Variants in PRDM5 observed in about 807,000 individuals in gnomAD.
PRDM5 encodes the protein PR domain zinc finger protein 5.
A neutral mutation model predicts 81.2 loss-of-function variants in PRDM5; 56 were observed. The observed-to-expected ratio is 0.69, with a 90% CI of 0.56 to 0.86. The LOEUF (loss-of-function observed/expected upper bound fraction) is 0.86. Ranked by LOEUF, PRDM5 falls within the 40% of genes least tolerant of loss-of-function variation. PRDM5 has a pLI of 0.00. For synonymous variants in PRDM5, 267 were observed against 256.4 expected, an observed-to-expected ratio of 1.04 and a Z score of -0.39; for missense variants, 697 against 770.1, an observed-to-expected ratio of 0.91 and a Z score of 1.12.
chr4:120,712,507 C>T (rs537880755), intron 14 of PRDM5, among the ~76,000 whole-genome samples: 1 of 152,246 alleles, frequency 6.6e-6, no homozygotes, highest in South Asian at 2.1e-4. Context: ...TTGCCTCCTC[C>T]CCCACCACCT....
chr4:120,754,744 T>G, intron 13 of PRDM5, 106 bp from the exon 14 acceptor site: 1 of 801,618 alleles, frequency 1.2e-6, no homozygotes, highest in East Asian at 2.6e-5. Flanking sequence ...ATATGCCCTG[T>G]GCTACTTCAA....
intron 14 of PRDM5, among the ~76,000 whole-genome samples, chr4:120,748,710 G>A (rs1461839108): frequency 6.6e-6 from 1 of 151,760 alleles, no homozygotes; most frequent in East Asian, 1.9e-4. Context: ...CACCACACAA[G>A]CAAAGAACAA....
chr4:120,758,157 A>G (rs1745061018), intron 13 of PRDM5, among the ~76,000 whole-genome samples: 2 of 152,140 alleles, frequency 1.3e-5, no homozygotes, highest in Non-Finnish European at 2.9e-5. Context: ...ATGGCATATC[A>G]TGGAACTTCT....
intron 1 of PRDM5, among the ~76,000 whole-genome samples, chr4:120,915,626 C>T (rs576683605): frequency 6.6e-6 from 1 of 152,238 alleles, no homozygotes; most frequent in East Asian, 1.9e-4. Context: ...ATGTCATCCC[C>T]AGGATGACCC....
At chr4:120,842,563 G>A (rs1379207003) in intron 3 of PRDM5, among the ~76,000 whole-genome samples, 2 of 152,182 alleles carry the variant, frequency 1.3e-5, no homozygotes, top group Non-Finnish European at 2.9e-5. Flanking sequence ...TAGTGATAGA[G>A]ATGACAACAT....
intron 2 of PRDM5, among the ~76,000 whole-genome samples, chr4:120,888,799 T>C (rs567268464): frequency 5.3e-5 from 8 of 152,226 alleles, no homozygotes. Context: ...GGTGAACATA[T>C]GGTGGCATCT....
chr4:120,827,906 C>T (rs2149362256), intron 3 of PRDM5, among the ~76,000 whole-genome samples: 1 of 152,204 alleles, frequency 6.6e-6, no homozygotes, highest in Non-Finnish European at 1.5e-5. Flanking sequence ...TACAATGCCC[C>T]TAGACTTATT....
intron 14 of PRDM5, among the ~76,000 whole-genome samples, chr4:120,734,421 T>TACACACACACACACACACAC (rs149559268): frequency 3.8e-4 from 52 of 138,186 alleles, no homozygotes; most frequent in African/African-American, 1.4e-3. Context: ...CACACACAAA[T>TACACACACACACACACACAC]ACACACACAC....
chr4:120,775,137 C>A (rs2149220593), intron 13 of PRDM5, among the ~76,000 whole-genome samples: 1 of 151,438 alleles, frequency 6.6e-6, no homozygotes, highest in Non-Finnish European at 1.5e-5. Flanking sequence ...AGGCCAGAAT[C>A]TGTACAACAA....
rs753768741 is a variant in PRDM5, at chr4:120,798,430, A to T, written c.1031-6T>A. 134 of 1,529,276 alleles carry T rather than the reference A, an allele frequency of 8.8e-5. No homozygotes were observed. The highest frequency in any genetic ancestry group is 1.1e-4 in the Non-Finnish European group (129 of 1,124,704). 94.7% of individuals were successfully genotyped at this position (1,529,276 alleles called of 1,614,324 possible). A position where few individuals can be genotyped will look rare whatever the true frequency, so the allele number is the denominator to read the frequency against. ...GCAATTATAGGGTCGTTTTTCTATT[A>T]AAAAAATGAGTGGAGACAATCTCAT... is the stretch of plus-strand genomic sequence containing the variant. On this transcript the variant is annotated splice_polypyrimidine_tract_variant and splice_region_variant and intron_variant, in intron 9 of 15. Transcript: ENST00000264808.
downstream of PRDM5, among the ~76,000 whole-genome samples, chr4:120,687,650 GT>G (rs1158895586): frequency 1.5e-4 from 23 of 152,012 alleles, no homozygotes; most frequent in Non-Finnish European, 7.4e-5. Flanking sequence ...TTGAATCTTT[GT>G]CCCCTCTCAA....
rs1734292930 is a variant in PRDM5 at position 120,694,285 on chromosome 4, T to TTA, written c.*824_*825dup. 6.6e-6 allele frequency: 1 copy of TTA among 152,080 alleles called. No homozygotes were observed. The highest frequency in any genetic ancestry group is 1.5e-5 in the Non-Finnish European group (1 of 67,988). The allele number at this position is 152,080 out of a possible 1,614,324, so 9.4% of individuals were successfully genotyped here. A position where few individuals can be genotyped will look rare whatever the true frequency, so the allele number is the denominator to read the frequency against. Reference sequence around the variant, plus strand: ...GAATCTATTTGGTTTCTATTTTTAATTATATATATTGGTATACTGTTAATT... The same window carrying TTA: ...GAATCTATTTGGTTTCTATTTTTAATTATATATATATTGGTATACTGTTAATT... On this transcript the variant is annotated 3_prime_UTR_variant, in exon 16 of 16. Coordinates refer to ENST00000264808, the MANE Select transcript of PRDM5 (RefSeq NM_018699.4).
chr4:120,791,712 A>T (rs1310943417), intron 10 of PRDM5, among the ~76,000 whole-genome samples: 3 of 152,140 alleles, frequency 2.0e-5, no homozygotes, highest in Non-Finnish European at 2.9e-5. Flanking sequence ...TCTCACTGCT[A>T]TGGACTCAAT....
At chr4:120,712,982 G>A (rs1737226508) in intron 14 of PRDM5, among the ~76,000 whole-genome samples, 2 of 152,150 alleles carry the variant, frequency 1.3e-5, no homozygotes, top group Non-Finnish European at 2.9e-5. Flanking sequence ...ATGTGGGACT[G>A]AATCTTCAAC....
chr4:120,820,388 G>C (rs1755104702), intron 4 of PRDM5, among the ~76,000 whole-genome samples: 1 of 152,158 alleles, frequency 6.6e-6, no homozygotes, highest in African/African-American at 2.4e-5. Flanking sequence ...CTAGTCTAAA[G>C]TATTTTGTTA....
chr4:120,822,479 G>T (rs1320973004), intron 3 of PRDM5, among the ~76,000 whole-genome samples: 5 of 152,158 alleles, frequency 3.3e-5, no homozygotes, highest in African/African-American at 1.2e-4. Flanking sequence ...GGAGGAGGAA[G>T]ACAAAGGAGA....
rs962415154 is a variant in PRDM5, at chr4:120,821,047, T to C, written c.475+124A>G. 5.9e-5 allele frequency: 70 copies of C among 1,182,528 alleles called. 1 individual carries two copies. The highest frequency in any genetic ancestry group is 5.5e-4 in the South Asian group (45 of 81,870). 73.3% of individuals were successfully genotyped at this position (1,182,528 alleles called of 1,614,324 possible). On this transcript the variant is annotated intron_variant, in intron 4 of 15. Transcript: ENST00000264808. ...CCACAGGATACCCTCGAGAATAATT[T>C]TGACAAAAACTAACTTTATTTGAGA...
In PRDM5 at chr4:120,810,575, A is replaced by G. The variant is rs570981192; in HGVS notation, c.945+795T>C. 6 of 152,256 alleles carry G rather than the reference A, an allele frequency of 3.9e-5. No homozygotes were observed. In the South Asian group the frequency reaches 1.2e-3, roughly 32 times the overall value. The allele number at this position is 152,256 out of a possible 1,614,324, so 9.4% of individuals were successfully genotyped here. A position where few individuals can be genotyped will look rare whatever the true frequency, so the allele number is the denominator to read the frequency against. On this transcript the variant is annotated intron_variant, in intron 8 of 15. Coordinates refer to ENST00000264808, the MANE Select transcript of PRDM5 (RefSeq NM_018699.4). Reference sequence around the variant, plus strand: ...ATAAAGCATTCCATATCTCTAAACAATCTAATAAGACTGCCACTTGAAAAC... The same window carrying G: ...ATAAAGCATTCCATATCTCTAAACAGTCTAATAAGACTGCCACTTGAAAAC...
intron 2 of PRDM5, among the ~76,000 whole-genome samples, chr4:120,871,055 A>G (rs1467620728): frequency 2.0e-5 from 3 of 152,130 alleles, no homozygotes; most frequent in Non-Finnish European, 4.4e-5. Context: ...CCTATCCTTG[A>G]ACACCTCCCT....
Sources: allele counts gnomAD v4.1 joint callset (sites outside exome capture counted in the v4.1 genomes callset), GRCh38; gene constraint gnomAD v4.1.1; transcripts MANE v1.5; gene names NCBI Gene and HGNC (gene_info 2026-07-23, HGNC 2026-07-21).